SLC9A9: variants seen among roughly 807,000 people sequenced by gnomAD.
SLC9A9 encodes the protein solute carrier family 9 member A9, also known as sodium/hydrogen exchanger 9.
A neutral mutation model predicts 77.8 loss-of-function variants in SLC9A9; 62 were observed. That is an observed-to-expected ratio of 0.80 (90% confidence interval 0.65 to 0.98). SLC9A9 has a LOEUF of 0.98. Among genes scored for constraint, SLC9A9 ranks in the 50% least tolerant of loss-of-function variants. SLC9A9 has a pLI of 0.00. For synonymous variants in SLC9A9, 320 were observed against 283.5 expected (o/e 1.13, Z -1.29); for missense variants, 775 against 774.9 (o/e 1.00, Z 0.00).
At chr3:143,289,469 C>T (rs1039693372) in intron 14 of SLC9A9, among the ~76,000 whole-genome samples, 4 of 152,162 alleles carry the variant, frequency 2.6e-5, no homozygotes, top group Non-Finnish European at 5.9e-5. Context: ...CTGTCCAAAA[C>T]GAAGCTCACT....
At chr3:143,826,358 C>A (rs1371892031) in intron 2 of SLC9A9, among the ~76,000 whole-genome samples, 1 of 152,140 alleles carries the variant, frequency 6.6e-6, no homozygotes, top group Admixed American at 6.5e-5. Context: ...CCTCACCACC[C>A]TTCTGTGAAC....
chr3:143,647,252 G>C (rs1401864790), intron 6 of SLC9A9, among the ~76,000 whole-genome samples: 1 of 152,204 alleles, frequency 6.6e-6, no homozygotes, highest in Non-Finnish European at 1.5e-5. Flanking sequence ...ATTAGGTATA[G>C]TGATGAGATT....
At chr3:143,477,330 AT>A (rs59195338) in intron 11 of SLC9A9, among the ~76,000 whole-genome samples, 12,257 of 99,754 alleles carry the variant, frequency 0.12, 707 homozygotes, top group East Asian at 0.22. Flanking sequence ...GGCTTCTTCA[AT>A]TTTTTTTTTT....
At chr3:143,345,725 T>C (rs1004322338) in intron 14 of SLC9A9, among the ~76,000 whole-genome samples, 4 of 152,198 alleles carry the variant, frequency 2.6e-5, no homozygotes, top group African/African-American at 7.2e-5. Flanking sequence ...GGCTCATCTA[T>C]GCAGATATAG....
chr3:143,329,335 AC>A (rs975235284), intron 14 of SLC9A9, among the ~76,000 whole-genome samples: 1 of 152,212 alleles, frequency 6.6e-6, no homozygotes, highest in Non-Finnish European at 1.5e-5. Context: ...CCAGGGGCTG[AC>A]CAGAGTACTT....
intron 6 of SLC9A9, among the ~76,000 whole-genome samples, chr3:143,592,748 A>AG (rs1180555183): frequency 1.3e-5 from 2 of 152,154 alleles, no homozygotes; most frequent in Non-Finnish European, 2.9e-5. Flanking sequence ...AATACATCAA[A>AG]GGTCATCTGG....
intron 4 of SLC9A9, among the ~76,000 whole-genome samples, chr3:143,774,053 T>C (rs1272962217): frequency 6.6e-6 from 1 of 152,196 alleles, no homozygotes. Flanking sequence ...AAGGGGATAA[T>C]TTAAAACAAA....
chr3:143,755,829 G>A (rs566542815), intron 4 of SLC9A9, among the ~76,000 whole-genome samples: 1 of 152,254 alleles, frequency 6.6e-6, no homozygotes, highest in South Asian at 2.1e-4. Context: ...AAATGCATGT[G>A]TGTGTGTGTG....
intron 2 of SLC9A9, among the ~76,000 whole-genome samples, chr3:143,817,142 T>A (rs1220218679): frequency 2.9e-5 from 3 of 104,898 alleles, no homozygotes; most frequent in Non-Finnish European, 5.7e-5. Context: ...TATTTTTTTT[T>A]TTATTTTTTT....
intron 13 of SLC9A9, among the ~76,000 whole-genome samples, chr3:143,379,560 G>A (rs2033255249): frequency 6.6e-6 from 1 of 152,176 alleles, no homozygotes; most frequent in Non-Finnish European, 1.5e-5. Context: ...ATCATTTGTA[G>A]GTAGCAGCAG....
intron 11 of SLC9A9, among the ~76,000 whole-genome samples, chr3:143,492,040 C>T (rs989225809): frequency 6.6e-6 from 1 of 152,134 alleles, no homozygotes; most frequent in African/African-American, 2.4e-5. Flanking sequence ...AGCCTGTAAT[C>T]CCAGCACTTT....
chr3:143,733,168 A>G (rs534545402), intron 4 of SLC9A9, among the ~76,000 whole-genome samples: 2 of 152,108 alleles, frequency 1.3e-5, no homozygotes, highest in Admixed American at 6.5e-5. Flanking sequence ...TAGAGAGAAA[A>G]TGGCTTTTGA....
At chr3:143,491,136 C>A (rs2035737666) in intron 11 of SLC9A9, among the ~76,000 whole-genome samples, 1 of 152,146 alleles carries the variant, frequency 6.6e-6, no homozygotes, top group Admixed American at 6.5e-5. Context: ...GATATGGATG[C>A]TCAGTATGGA....
chr3:143,837,474 G>A (rs2009596057), intron 1 of SLC9A9, among the ~76,000 whole-genome samples: 1 of 152,152 alleles, frequency 6.6e-6, no homozygotes, highest in African/African-American at 2.4e-5. Context: ...GAATAATCTA[G>A]ATTCATGAGG....
At chr3:143,638,194 G>C (rs1051182708) in intron 6 of SLC9A9, among the ~76,000 whole-genome samples, 1 of 152,074 alleles carries the variant, frequency 6.6e-6, no homozygotes, top group African/African-American at 2.4e-5. Context: ...AACACATTAG[G>C]GTAAGAATTT....
intron 5 of SLC9A9, among the ~76,000 whole-genome samples, chr3:143,675,054 T>C (rs952359538): frequency 6.6e-6 from 1 of 152,196 alleles, no homozygotes; most frequent in Non-Finnish European, 1.5e-5. Context: ...TAATTAGTAC[T>C]TTCAGACTCT....
At chr3:143,407,356 T>C (rs2034002024) in intron 12 of SLC9A9, among the ~76,000 whole-genome samples, 1 of 152,200 alleles carries the variant, frequency 6.6e-6, no homozygotes, top group South Asian at 2.1e-4. Context: ...GGCAAAATCT[T>C]AGGCTATGAT....
At chr3:143,467,227 G>A (rs774312731) in intron 11 of SLC9A9, 37 bp from the exon 12 acceptor site, 44 of 1,613,416 alleles carry the variant, frequency 2.7e-5, no homozygotes, top group Non-Finnish European at 3.7e-5. Flanking sequence ...TAAATGCCTT[G>A]CAGGTGTCTT....
intron 5 of SLC9A9, among the ~76,000 whole-genome samples, chr3:143,666,120 A>C (rs2039062402): frequency 6.6e-6 from 1 of 152,208 alleles, no homozygotes; most frequent in African/African-American, 2.4e-5. Flanking sequence ...GCAGCACATC[A>C]AAAAGCTTAT....
Sources: gnomAD v4.1 joint callset for allele counts (sites outside exome capture counted in the v4.1 genomes callset) on GRCh38, gnomAD v4.1.1 for gene constraint, MANE v1.5 for transcripts, NCBI Gene and HGNC (gene_info 2026-07-23, HGNC 2026-07-21) for gene names.